The following RBMXL1 variants were observed in gnomAD, a reference collection of about 807,000 sequenced individuals.
RBMXL1 encodes RBMX like 1.
In RBMXL1, 18 loss-of-function variants were observed where a neutral mutation model predicts 29.0. The observed-to-expected ratio is 0.62, with a 90% CI of 0.43 to 0.92. RBMXL1 has a LOEUF of 0.92. RBMXL1 is among the 40% of genes least tolerant of loss of function. The pLI, the probability that RBMXL1 is intolerant of heterozygous loss-of-function variation, is 0.00. For synonymous variants in RBMXL1, 141 were observed against 170.4 expected (o/e 0.83, Z 1.34); for missense variants, 403 against 495.8 (o/e 0.81, Z 1.78).
At chr1:88,991,907 T>C (rs1677819084) in intron 1 of RBMXL1, among the ~76,000 whole-genome samples, 1 of 152,164 alleles carries the variant, frequency 6.6e-6, no homozygotes, top group Admixed American at 6.5e-5. Context: ...CAGACTGCCT[T>C]TCTGTTTTAA....
chr1:88,984,968 T>C (rs1677361057), intron 2 of RBMXL1, among the ~76,000 whole-genome samples: 1 of 152,268 alleles, frequency 6.6e-6, no homozygotes, highest in Non-Finnish European at 1.5e-5. Context: ...ATGAGTGAAA[T>C]AAAAATCTTT....
At chr1:88,991,586 C>G (rs527370625) in intron 1 of RBMXL1, among the ~76,000 whole-genome samples, 1 of 152,178 alleles carries the variant, frequency 6.6e-6, no homozygotes, top group Non-Finnish European at 1.5e-5. Flanking sequence ...TGGAAGGATG[C>G]GCTTCAAAGC....
chr1:88,987,367 C>G (rs1677524743), intron 2 of RBMXL1, among the ~76,000 whole-genome samples: 1 of 152,012 alleles, frequency 6.6e-6, no homozygotes, highest in Non-Finnish European at 1.5e-5. Context: ...GAATTCAAGA[C>G]AGTTATGAGG....
At chr1:88,992,129 C>G (rs1677839833) in intron 1 of RBMXL1, among the ~76,000 whole-genome samples, 1 of 152,194 alleles carries the variant, frequency 6.6e-6, no homozygotes, top group East Asian at 1.9e-4. Flanking sequence ...CAGGCGCCCG[C>G]CACCACGCCC....
At chr1:88,986,456 A>G (rs1276198011) in intron 2 of RBMXL1, among the ~76,000 whole-genome samples, 1 of 151,538 alleles carries the variant, frequency 6.6e-6, no homozygotes, top group East Asian at 2.0e-4. Flanking sequence ...GTGCCCAGCT[A>G]ATGTTTTGTA....
In RBMXL1 at chr1:88,980,302, C is replaced by T. The variant is rs550891334; in HGVS notation, c.*2352G>A. On this transcript the variant is annotated 3_prime_UTR_variant, in exon 3 of 3. Transcript: ENST00000652648. Reference sequence around the variant, plus strand: ...TCTAAACAGATACAGTTTACTGTAACTTGATAAAGCTGAATTTAAAAAGCT... The same window carrying T: ...TCTAAACAGATACAGTTTACTGTAATTTGATAAAGCTGAATTTAAAAAGCT... 4 of 152,678 alleles carry T rather than the reference C, an allele frequency of 2.6e-5. No individual in the cohort carries two copies. The South Asian group carries it at 8.3e-4, about 32-fold the overall frequency. The allele number at this position is 152,678 out of a possible 1,614,324, so 9.5% of individuals were successfully genotyped here.
In RBMXL1 at chr1:88,983,535, G is replaced by C; in HGVS notation, c.292C>G (p.Pro98Ala). The C allele has an allele frequency of 6.2e-7, 1 of 1,614,162 alleles. No individual in the cohort carries two copies. Residue 98 changes from proline to alanine, a missense_variant, in exon 3 of 3, where the codon CCA (proline) becomes GCA (alanine). Coordinates refer to ENST00000652648, the MANE Select transcript of RBMXL1 (RefSeq NM_001162536.3). The stretch of plus-strand genomic sequence containing the variant: ...GGAGGACCTCTACTTCTTGGAGGTG[G>C]GGGCGGTCCATGTCTACCTCTTTCA... ...SFERGRHGPP[P>A]PPRSRGPPRG... is the part of the protein sequence containing the mutation.
chr1:88,988,953 A>C (rs1417768894), intron 1 of RBMXL1, among the ~76,000 whole-genome samples: 1 of 152,208 alleles, frequency 6.6e-6, no homozygotes, highest in African/African-American at 2.4e-5. Flanking sequence ...TGCATTCTGA[A>C]TTGCTTCTCT....
chr1:88,987,425 TGAAAATTTTAAACCACTGA>T (rs1280996787), intron 2 of RBMXL1, among the ~76,000 whole-genome samples: 2 of 152,208 alleles, frequency 1.3e-5, no homozygotes, highest in South Asian at 2.1e-4. Context: ...ATGGTTTTTA[TGAAAATTTTAAACCACTGA>T]GAAAATTTTA....
In RBMXL1 at chr1:88,983,714, A is replaced by G; in HGVS notation, c.113T>C (p.Leu38Pro). ...FGKYGRIVEVLLIKDRETNKS... is the reference protein window; with the variant it reads ...FGKYGRIVEVPLIKDRETNKS... ...GTTGGTTTCACGGTCTTTTATCAAG[A>G]GTACTTCCACTATTCGTCCATATTT... The change falls in exon 3 of 3, where the codon CTC becomes CCC. Residue 38 changes from leucine to proline, a missense_variant. Physicochemically the swap from Leu to Pro is moderately conservative, Grantham distance 98. Coordinates refer to ENST00000652648, the MANE Select transcript of RBMXL1 (RefSeq NM_001162536.3). 6.2e-7 allele frequency: 1 copy of G among 1,613,984 alleles called. No individual in the cohort carries two copies. Among genetic ancestry groups the G allele is most frequent in the Non-Finnish European group, 8.5e-7 (1 of 1,179,938 alleles).
At chr1:88,991,978 T>G (rs1369312181) in intron 1 of RBMXL1, among the ~76,000 whole-genome samples, 1 of 44,498 alleles carries the variant, frequency 2.2e-5, no homozygotes, top group Non-Finnish European at 3.9e-5. Context: ...CTTGGTATTC[T>G]TTTGGTTTTT....
At chr1:88,988,191 C>A (rs887401314) in intron 2 of RBMXL1, 61 bp downstream of exon 2, 2 of 1,047,210 alleles carry the variant, frequency 1.9e-6, no homozygotes, top group African/African-American at 1.6e-5. Flanking sequence ...TGAAAAATTA[C>A]ATATTTTTTG....
rs1677184048 is a variant in RBMXL1 at position 88,982,984 on chromosome 1, G to A, written c.843C>T (p.Tyr281=). Residue 281 remains tyrosine, a synonymous_variant, in exon 3 of 3, where the codon TAC becomes TAT. Coordinates refer to ENST00000652648, the MANE Select transcript of RBMXL1 (RefSeq NM_001162536.3). ...DYSDHPSGGS[Y]RDSYESYGNS... ...TACCATAACTCTCATATGAATCTCT[G>A]TAGGAACCTCCACTTGGATGATCTG... The A allele has an allele frequency of 1.2e-6, 2 of 1,613,406 alleles. No homozygotes were observed. The highest frequency in any genetic ancestry group is 2.7e-5 in the African/African-American group (2 of 74,916).
At chr1:88,986,098 T>G (rs552912883) in intron 2 of RBMXL1, among the ~76,000 whole-genome samples, 1 of 151,644 alleles carries the variant, frequency 6.6e-6, no homozygotes, top group South Asian at 2.1e-4. Context: ...GGAGAATTGC[T>G]TGAACCCGAG....
chr1:88,991,524 T>C (rs1202771100), intron 1 of RBMXL1, among the ~76,000 whole-genome samples: 1 of 152,234 alleles, frequency 6.6e-6, no homozygotes, highest in Non-Finnish European at 1.5e-5. Flanking sequence ...GGTTCACCGA[T>C]ACAACAGAGG....
intron 2 of RBMXL1, among the ~76,000 whole-genome samples, chr1:88,986,420 T>C (rs1399368107): frequency 2.0e-5 from 3 of 151,614 alleles, no homozygotes; most frequent in Non-Finnish European, 4.4e-5. Context: ...GGTCAGGAGA[T>C]TGAGACCATC....
chr1:88,987,029 A>G (rs2101096258), intron 2 of RBMXL1, among the ~76,000 whole-genome samples: 1 of 152,368 alleles, frequency 6.6e-6, no homozygotes, highest in Non-Finnish European at 1.5e-5. Flanking sequence ...ACTGCTAGGT[A>G]TGGAGAGGGG....
At chr1:88,987,697 T>C (rs747861446) in intron 2 of RBMXL1, among the ~76,000 whole-genome samples, 9 of 152,240 alleles carry the variant, frequency 5.9e-5, no homozygotes, top group South Asian at 2.1e-4. Context: ...CCTTAGGTCA[T>C]TACATCCCTA....
chr1:88,987,188 C>T (rs564799511), intron 2 of RBMXL1, among the ~76,000 whole-genome samples: 3 of 152,156 alleles, frequency 2.0e-5, no homozygotes, highest in Non-Finnish European at 4.4e-5. Flanking sequence ...CCCTGGCATA[C>T]GTAGTCTAAT....
Sources: allele counts gnomAD v4.1 joint callset (sites outside exome capture counted in the v4.1 genomes callset), GRCh38; gene constraint gnomAD v4.1.1; transcripts MANE v1.5; gene names NCBI Gene and HGNC (gene_info 2026-07-23, HGNC 2026-07-21).